Variants in ANKRD55 observed in about 807,000 individuals in gnomAD.
ANKRD55 encodes ankyrin repeat domain 55.
In ANKRD55, 41 loss-of-function variants were observed where a neutral mutation model predicts 60.6. The ratio of observed to expected loss-of-function variants is 0.68; its 90% CI spans 0.53 to 0.88. ANKRD55 has a LOEUF of 0.88. Ranked by LOEUF, ANKRD55 falls within the 40% of genes least tolerant of loss-of-function variation. The pLI is 0.00. For synonymous variants in ANKRD55, 264 were observed against 290.3 expected, an observed-to-expected ratio of 0.91 and a Z score of 0.92; for missense variants, 732 against 767.6, an observed-to-expected ratio of 0.95 and a Z score of 0.55.
intron 8 of ANKRD55, among the ~76,000 whole-genome samples, chr5:56,122,916 C>T (rs1206262345): frequency 1.3e-5 from 2 of 151,712 alleles, no homozygotes; most frequent in African/African-American, 4.9e-5. Context: ...CAGGCATGTA[C>T]CACTATGTCC....
intron 2 of ANKRD55, among the ~76,000 whole-genome samples, chr5:56,197,787 G>A (rs1048608287): frequency 1.3e-5 from 2 of 152,030 alleles, no homozygotes; most frequent in Non-Finnish European, 2.9e-5. Context: ...ACCACTGATC[G>A]GCTTTTAATA....
chr5:56,104,537 G>A (rs1262488532), intron 10 of ANKRD55, among the ~76,000 whole-genome samples: 1 of 152,126 alleles, frequency 6.6e-6, no homozygotes, highest in Non-Finnish European at 1.5e-5. Flanking sequence ...GCTGTCTGGT[G>A]CTGCAGGCAA....
At chr5:56,203,918 T>C (rs1759439961) in intron 2 of ANKRD55, among the ~76,000 whole-genome samples, 1 of 152,016 alleles carries the variant, frequency 6.6e-6, no homozygotes, top group Non-Finnish European at 1.5e-5. Flanking sequence ...CACACTGACT[T>C]CCACAATGGT....
intron 2 of ANKRD55, among the ~76,000 whole-genome samples, chr5:56,208,929 C>G (rs1224559053): frequency 1.3e-5 from 2 of 151,786 alleles, no homozygotes; most frequent in Admixed American, 6.6e-5. Flanking sequence ...CTATGAGGTA[C>G]ATGACTGTAT....
intron 2 of ANKRD55, among the ~76,000 whole-genome samples, chr5:56,184,867 C>T (rs568841546): frequency 6.6e-5 from 10 of 151,598 alleles, no homozygotes; most frequent in Middle Eastern, 6.8e-3. Context: ...ATACTCCAGC[C>T]TGGACAACAG....
rs146312133 is a variant in ANKRD55 at position 56,176,263 on chromosome 5, A to G, written c.201T>C (p.His67=). 2.9e-4 allele frequency: 471 copies of G among 1,614,080 alleles called. 1 individual carries two copies. The Middle Eastern group carries it at 3.9e-3, about 14-fold the overall frequency. The change falls in exon 4 of 12, where the codon CAT becomes CAC. Residue 67 remains histidine, a synonymous_variant. Coordinates refer to ENST00000341048, the MANE Select transcript of ANKRD55 (RefSeq NM_024669.3). ...CDSEGCTPLM[H]AVSGRQADTV... ...TGTCCGCTTGACGTCCAGAAACCGC[A>G]TGCATCAAGGGCGTGCATCCTGGAA...
At chr5:56,109,584 T>C (rs1580938454) in intron 10 of ANKRD55, among the ~76,000 whole-genome samples, 1 of 151,624 alleles carries the variant, frequency 6.6e-6, no homozygotes, top group African/African-American at 2.4e-5. Flanking sequence ...ATTGACCCCC[T>C]GCCTCAACCC....
intron 2 of ANKRD55, among the ~76,000 whole-genome samples, chr5:56,183,869 A>C (rs1479166766): frequency 6.6e-6 from 1 of 152,166 alleles, no homozygotes; most frequent in Non-Finnish European, 1.5e-5. Context: ...ATTGGATGTC[A>C]TTTGAGATTT....
intron 6 of ANKRD55, among the ~76,000 whole-genome samples, chr5:56,147,546 C>T (rs1757929205): frequency 6.6e-6 from 1 of 152,186 alleles, no homozygotes; most frequent in Non-Finnish European, 1.5e-5. Context: ...AATACATATT[C>T]TCCCACCCAG....
At chr5:56,215,455 G>A (rs185696128) in intron 2 of ANKRD55, among the ~76,000 whole-genome samples, 2 of 152,210 alleles carry the variant, frequency 1.3e-5, no homozygotes, top group Non-Finnish European at 2.9e-5. Context: ...GGGAAGCCCA[G>A]CCCAGTGGAG....
At chr5:56,139,010 G>A (rs1264900566) in intron 7 of ANKRD55, among the ~76,000 whole-genome samples, 1 of 144,670 alleles carries the variant, frequency 6.9e-6, no homozygotes. Context: ...GTCAGTGTAG[G>A]CTATCAATTG....
chr5:56,193,422 T>A (rs1318792658), intron 2 of ANKRD55: 1 of 581,544 alleles, frequency 1.7e-6, no homozygotes, highest in Non-Finnish European at 3.1e-6. Context: ...ACAACTATTA[T>A]CCTCCTGTAG....
chr5:56,182,317 G>A (rs73128460), intron 3 of ANKRD55, among the ~76,000 whole-genome samples: 1 of 152,070 alleles, frequency 6.6e-6, no homozygotes, highest in African/African-American at 2.4e-5. Context: ...ATTTCTTACT[G>A]TTCTGTTTTC....
intron 10 of ANKRD55, among the ~76,000 whole-genome samples, chr5:56,105,955 T>G (rs1756451028): frequency 6.6e-6 from 1 of 152,210 alleles, no homozygotes; most frequent in Non-Finnish European, 1.5e-5. Context: ...TGTTCCATTT[T>G]CTCTGAAAGC....
At chr5:56,149,061 T>G (rs1757975451) in intron 6 of ANKRD55, among the ~76,000 whole-genome samples, 1 of 152,176 alleles carries the variant, frequency 6.6e-6, no homozygotes, top group Non-Finnish European at 1.5e-5. Context: ...AATATGTACT[T>G]TAAAAGTAGA....
intron 2 of ANKRD55, among the ~76,000 whole-genome samples, chr5:56,222,716 C>A (rs891312779): frequency 2.0e-5 from 3 of 152,132 alleles, no homozygotes; most frequent in African/African-American, 7.2e-5. Flanking sequence ...GCACAAGCTT[C>A]AGTAGCTGAT....
intron 7 of ANKRD55, chr5:56,127,323 G>C: frequency 1.0e-6 from 1 of 985,252 alleles, no homozygotes; most frequent in Non-Finnish European, 1.2e-6. Context: ...AGAGATTTTT[G>C]TCTCCCACAG....
chr5:56,215,215 A>C (rs559380874), intron 2 of ANKRD55, among the ~76,000 whole-genome samples: 1 of 152,228 alleles, frequency 6.6e-6, no homozygotes, highest in Non-Finnish European at 1.5e-5. Context: ...ATAACAACCC[A>C]TCTTCAGAAG....
At chr5:56,213,772 A>C (rs1429785816) in intron 2 of ANKRD55, among the ~76,000 whole-genome samples, 1 of 152,218 alleles carries the variant, frequency 6.6e-6, no homozygotes, top group Non-Finnish European at 1.5e-5. Flanking sequence ...GGGCAGGGAA[A>C]GCAGAAGCAC....
Sources: allele counts gnomAD v4.1 joint callset (sites outside exome capture counted in the v4.1 genomes callset), GRCh38; gene constraint gnomAD v4.1.1; transcripts MANE v1.5; gene names NCBI Gene and HGNC (gene_info 2026-07-23, HGNC 2026-07-21).